RIIAD1: variants seen among roughly 807,000 people sequenced by gnomAD.
The protein encoded by RIIAD1 is regulatory subunit of type II PKA R-subunit domain containing 1.
Under a neutral mutation model 13.3 loss-of-function variants are expected in RIIAD1, and 15 were observed. That is an observed-to-expected ratio of 1.13 (90% CI 0.76 to 1.74). The LOEUF (loss-of-function observed/expected upper bound fraction) is 1.74. Ranked by LOEUF, RIIAD1 falls within the 40% of genes most tolerant of loss-of-function variation. RIIAD1 has a pLI of 0.00. For missense variants in RIIAD1, 121 were observed against 112.2 expected (o/e 1.08, Z -0.35); for synonymous variants, 50 against 43.3 (o/e 1.16, Z -0.61).
At chr1:151,716,251 G>T in intron 4 of RIIAD1, 1 of 491,364 alleles carries the variant, frequency 2.0e-6, no homozygotes, top group South Asian at 3.8e-5. Flanking sequence ...TGCCACCAGG[G>T]GGCATCGCCT....
chr1:151,712,485 G>A (rs1163082204), intron 2 of RIIAD1, among the ~76,000 whole-genome samples: 5 of 152,176 alleles, frequency 3.3e-5, no homozygotes, highest in African/African-American at 1.2e-4. Flanking sequence ...CTTCCTGACT[G>A]CAGACCGACA....
upstream of RIIAD1, chr1:151,716,632 C>T: frequency 2.7e-6 from 1 of 376,448 alleles, no homozygotes; most frequent in Non-Finnish European, 5.5e-6. Flanking sequence ...CCAGGGGTCC[C>T]TTTTGCCCTG....
intron 4 of RIIAD1, chr1:151,716,275 C>T: frequency 2.2e-6 from 1 of 455,426 alleles, no homozygotes; most frequent in Non-Finnish European, 3.9e-6. Flanking sequence ...CAAACGATCT[C>T]CCTCCCAGAG....
intron 2 of RIIAD1, among the ~76,000 whole-genome samples, chr1:151,723,271 G>A (rs1345959984): frequency 1.3e-5 from 2 of 152,170 alleles, no homozygotes; most frequent in African/African-American, 4.8e-5. Flanking sequence ...GCACATGCCT[G>A]TAATCCCAGC....
At chr1:151,712,984 A>G (rs1008916036) in intron 2 of RIIAD1, among the ~76,000 whole-genome samples, 12 of 152,220 alleles carry the variant, frequency 7.9e-5, no homozygotes, top group Non-Finnish European at 1.6e-4. Flanking sequence ...GAATGCAGGT[A>G]GCAGGAGAAG....
intron 3 of RIIAD1, 51 bp downstream of exon 3, chr1:151,727,672 G>A: frequency 7.8e-7 from 1 of 1,275,504 alleles, no homozygotes; most frequent in Non-Finnish European, 1.1e-6. Flanking sequence ...AGCGCAGGGA[G>A]CATGATTGTG....
upstream of RIIAD1, chr1:151,719,639 T>C (rs1467922105): frequency 1.4e-6 from 1 of 702,734 alleles, no homozygotes; most frequent in East Asian, 2.7e-5. Flanking sequence ...GCACAAAGAA[T>C]TGATTCTATA....
At chr1:151,711,757 C>G (rs988374703) in intron 1 of RIIAD1, 21 of 152,496 alleles carry the variant, frequency 1.4e-4, no homozygotes, top group African/African-American at 5.1e-4. Context: ...CCAAAAGAAG[C>G]AGAATCAGAA....
rs1477668841 is a variant in RIIAD1, at chr1:151,721,781, G to GTT, written c.84+162_84+163insTT. The GTT allele has an allele frequency of 1.2e-5, 6 of 518,944 alleles. No homozygotes were observed. The African/African-American group carries it at 1.2e-4, about 10-fold the overall frequency. 32.1% of individuals were successfully genotyped at this position (518,944 alleles called of 1,614,324 possible). A position where few individuals can be genotyped will look rare whatever the true frequency, so the allele number is the denominator to read the frequency against. On this transcript the variant is annotated intron_variant, in intron 1 of 4. Transcript: ENST00000479191. ...GGAGACCCCCGGCGGACCTCTAGGC[G>GTT]TCTGATCCCAGCACAGAGCGCGACG...
chr1:151,716,843 C>T (rs1305739430), upstream of RIIAD1: 1 of 461,842 alleles, frequency 2.2e-6, no homozygotes, highest in East Asian at 7.1e-5. Flanking sequence ...CACCTCCTTT[C>T]CCCTGACATC....
chr1:151,716,061 G>T, intron 4 of RIIAD1: 2 of 1,564,542 alleles, frequency 1.3e-6, no homozygotes, highest in Non-Finnish European at 1.7e-6. Flanking sequence ...AGCAGGGAGA[G>T]GCCCAAAGGC....
intron 3 of RIIAD1, chr1:151,728,552 C>T (rs1206416215): frequency 1.9e-6 from 1 of 529,676 alleles, no homozygotes; most frequent in Non-Finnish European, 3.4e-6. Context: ...GGGAGCCCTT[C>T]CTGGGAATGT....
intron 2 of RIIAD1, among the ~76,000 whole-genome samples, chr1:151,725,443 C>CT (rs762975420): frequency 1.6e-4 from 24 of 152,078 alleles, no homozygotes; most frequent in Non-Finnish European, 3.5e-4. Flanking sequence ...AGTTCCACAA[C>CT]GTTGCTTTTT....
chr1:151,716,335 G>T (rs1237538239), intron 4 of RIIAD1: 2 of 350,222 alleles, frequency 5.7e-6, no homozygotes, highest in Non-Finnish European at 1.1e-5. Flanking sequence ...GACCTGGAGG[G>T]TTAGGTGGTA....
At chr1:151,716,627 G>T (rs995875329), upstream of RIIAD1, 2 of 368,304 alleles carry the variant, frequency 5.4e-6, no homozygotes, top group Non-Finnish European at 1.1e-5. Flanking sequence ...GGGCTCCAGG[G>T]GTCCCTTTTG....
At position 151,728,852 on chromosome 1, in the gene RIIAD1, T is replaced by G; in HGVS notation, c.*16T>G. On this transcript the variant is annotated 3_prime_UTR_variant, in exon 4 of 5. Coordinates refer to ENST00000479191, the MANE Select transcript of RIIAD1 (RefSeq NM_001144956.3). Reference sequence around the variant, plus strand: ...AGCGGCTTAATTAGCAAAATCATGATGCTCAGCTGTTGGGAGAGACCAGAC... The same window carrying G: ...AGCGGCTTAATTAGCAAAATCATGAGGCTCAGCTGTTGGGAGAGACCAGAC... 1 of 1,457,746 alleles carries G rather than the reference T, an allele frequency of 6.9e-7. No homozygotes were observed. Among genetic ancestry groups the G allele is most frequent in the Non-Finnish European group, 9.4e-7 (1 of 1,061,550 alleles). The allele number at this position is 1,457,746 out of a possible 1,614,324, so 90.3% of individuals were successfully genotyped here.
intron 4 of RIIAD1, among the ~76,000 whole-genome samples, 153 bp downstream of exon 4, chr1:151,729,046 T>A (rs1196119436): frequency 6.6e-6 from 1 of 152,178 alleles, no homozygotes; most frequent in African/African-American, 2.4e-5. Context: ...TTTTGGGGAA[T>A]TAGGGACTGT....
intron 2 of RIIAD1, among the ~76,000 whole-genome samples, chr1:151,725,938 TCTG>T (rs1673822132): frequency 6.6e-6 from 1 of 152,204 alleles, no homozygotes; most frequent in Non-Finnish European, 1.5e-5. Context: ...TTCTGCTCAT[TCTG>T]CTGACCCTAT....
rs1283293781 is a variant in RIIAD1, at chr1:151,728,904, A to G, written c.*57+11A>G. 1 of 839,416 alleles carries G rather than the reference A, an allele frequency of 1.2e-6. No individual in the cohort carries two copies. Among genetic ancestry groups the G allele is most frequent in the East Asian group, 2.6e-5 (1 of 37,800 alleles). 52.0% of individuals were successfully genotyped at this position (839,416 alleles called of 1,614,324 possible). A position where few individuals can be genotyped will look rare whatever the true frequency, so the allele number is the denominator to read the frequency against. ...GAATCCAGCCTCGGGGTGGGTGTTA[A>G]CCTCACTTACAGACAGAGGCTTCTT... On this transcript the variant is annotated intron_variant, in intron 4 of 4. Transcript: ENST00000479191.
Sources: allele counts gnomAD v4.1 joint callset (sites outside exome capture counted in the v4.1 genomes callset), GRCh38; gene constraint gnomAD v4.1.1; transcripts MANE v1.5; gene names NCBI Gene and HGNC (gene_info 2026-07-23, HGNC 2026-07-21).